Variants in ZNF804B observed in about 807,000 individuals in gnomAD.
ZNF804B encodes zinc finger protein 804B, also known as zinc finger 804B.
ZNF804B carries 80 observed loss-of-function variants against 101.4 expected under a neutral mutation model. The observed-to-expected ratio is 0.79, with a 90% CI of 0.66 to 0.95. The LOEUF is 0.95. Among genes scored for constraint, ZNF804B ranks in the 40% least tolerant of loss-of-function variants. The pLI is 0.00. For missense variants in ZNF804B, 1,673 were observed against 1,561.9 expected (o/e 1.07, Z -1.20); for synonymous variants, 622 against 558.8 (o/e 1.11, Z -1.59).
At chr7:89,180,411 G>A (rs1195678965) in intron 1 of ZNF804B, among the ~76,000 whole-genome samples, 2 of 152,034 alleles carry the variant, frequency 1.3e-5, no homozygotes, top group Non-Finnish European at 2.9e-5. Context: ...ATCAAGCAGA[G>A]TGAGTCTTGC....
In ZNF804B at chr7:89,043,846, G is replaced by A. The variant is rs547636706; in HGVS notation, c.109-174309G>A. On this transcript the variant is annotated intron_variant, in intron 1 of 3. Transcript: ENST00000333190. ...TCAGCCTCCTTCCAAACTGGGCCAG[G>A]GACCTCCTTTAATAAGACCAGCTTC... Among the ~76,000 whole-genome samples, 5 of 152,046 alleles carry A rather than the reference G, an allele frequency of 3.3e-5. No homozygotes were observed. In the South Asian group the frequency reaches 8.3e-4, roughly 25 times the overall value.
chr7:88,961,471 T>C (rs1380228351), intron 1 of ZNF804B, among the ~76,000 whole-genome samples: 1 of 151,388 alleles, frequency 6.6e-6, no homozygotes, highest in Admixed American at 6.6e-5. Flanking sequence ...AAAGGAAACA[T>C]CTTTAGTATT....
intron 2 of ZNF804B, among the ~76,000 whole-genome samples, chr7:89,269,671 G>T (rs1314083642): frequency 6.6e-6 from 1 of 152,126 alleles, no homozygotes; most frequent in East Asian, 1.9e-4. Flanking sequence ...CTAGTTTACA[G>T]TCCCACCAAT....
chr7:88,781,858 G>A (rs73393409), intron 1 of ZNF804B, among the ~76,000 whole-genome samples: 1 of 152,136 alleles, frequency 6.6e-6, no homozygotes, highest in Admixed American at 6.5e-5. Flanking sequence ...AAAAACCCCC[G>A]CGACACTTTA....
At chr7:89,217,765 T>C (rs1349513463) in intron 1 of ZNF804B, among the ~76,000 whole-genome samples, 1 of 152,100 alleles carries the variant, frequency 6.6e-6, no homozygotes, top group Non-Finnish European at 1.5e-5. Flanking sequence ...GCATATGAAA[T>C]GGATAAATCA....
chr7:89,034,766 A>G (rs1044438577), intron 1 of ZNF804B, among the ~76,000 whole-genome samples: 2 of 152,198 alleles, frequency 1.3e-5, no homozygotes, highest in Admixed American at 1.3e-4. Flanking sequence ...GTGTATACCC[A>G]GTAATGGGAT....
At chr7:88,798,722 A>T (rs912455159) in intron 1 of ZNF804B, among the ~76,000 whole-genome samples, 1 of 152,156 alleles carries the variant, frequency 6.6e-6, no homozygotes. Flanking sequence ...TAGAAGCAAC[A>T]TGCAATTCAG....
At chr7:88,960,172 C>A (rs1793369885) in intron 1 of ZNF804B, among the ~76,000 whole-genome samples, 1 of 151,194 alleles carries the variant, frequency 6.6e-6, no homozygotes, top group South Asian at 2.1e-4. Context: ...CAATTATTTT[C>A]AAAATATATT....
intron 2 of ZNF804B, among the ~76,000 whole-genome samples, chr7:89,229,875 A>T (rs1432357192): frequency 3.3e-5 from 5 of 152,218 alleles, no homozygotes; most frequent in Admixed American, 1.3e-4. Flanking sequence ...CTCAAATCAC[A>T]ATGTAATTAA....
intron 1 of ZNF804B, among the ~76,000 whole-genome samples, chr7:89,175,550 A>G (rs1262931005): frequency 1.4e-5 from 2 of 144,530 alleles, no homozygotes; most frequent in African/African-American, 4.9e-5. Context: ...AGCTTTGGCT[A>G]TTCTAGCTCT....
chr7:89,277,971 GT>G (rs1790015802), intron 2 of ZNF804B, among the ~76,000 whole-genome samples: 1 of 152,116 alleles, frequency 6.6e-6, no homozygotes. Flanking sequence ...CACCAACAGT[GT>G]AAAAGTGTTC....
chr7:89,161,626 C>G (rs9785037), intron 1 of ZNF804B, among the ~76,000 whole-genome samples: 1 of 151,346 alleles, frequency 6.6e-6, no homozygotes, highest in Admixed American at 6.6e-5. Context: ...TGGGCTCAAG[C>G]GATCCTCCCA....
At chr7:88,802,805 A>G (rs1024536899) in intron 1 of ZNF804B, among the ~76,000 whole-genome samples, 8 of 152,136 alleles carry the variant, frequency 5.3e-5, no homozygotes, top group African/African-American at 1.9e-4. Flanking sequence ...GTATATACTG[A>G]ATATCAAGTG....
chr7:88,793,376 T>C (rs865969659), intron 1 of ZNF804B, among the ~76,000 whole-genome samples: 1 of 152,126 alleles, frequency 6.6e-6, no homozygotes, highest in African/African-American at 2.4e-5. Context: ...CAGATAATGT[T>C]TTCTGTGTAC....
rs574477566 is a variant in ZNF804B, at chr7:89,144,485, A to T, written c.109-73670A>T. ...ATTGAATGATCTTAGCTATATAGAG[A>T]ATTAGAAAAAGTGGAACTAATAGGA... is the stretch of plus-strand genomic sequence containing the variant. On this transcript the variant is annotated intron_variant, in intron 1 of 3. Coordinates refer to ENST00000333190, the MANE Select transcript of ZNF804B (RefSeq NM_181646.5). 1.1e-4 allele frequency among the ~76,000 whole-genome samples: 16 copies of T among 152,102 alleles called. No homozygotes were observed. In the South Asian group the frequency reaches 1.2e-3, roughly 12 times the overall value.
intron 1 of ZNF804B, among the ~76,000 whole-genome samples, chr7:89,053,629 T>C (rs967850981): frequency 1.3e-5 from 2 of 152,016 alleles, no homozygotes; most frequent in African/African-American, 4.8e-5. Context: ...TTTTCCTGTT[T>C]CAGATGATCA....
intron 1 of ZNF804B, among the ~76,000 whole-genome samples, chr7:88,950,097 C>A (rs1185189659): frequency 1.3e-5 from 2 of 151,886 alleles, no homozygotes; most frequent in African/African-American, 2.4e-5. Flanking sequence ...CCTGGTAAAT[C>A]TCTGATAGAT....
At chr7:88,923,024 T>A (rs1294945655) in intron 1 of ZNF804B, among the ~76,000 whole-genome samples, 2 of 152,118 alleles carry the variant, frequency 1.3e-5, no homozygotes, top group Non-Finnish European at 2.9e-5. Flanking sequence ...CCCTATATAT[T>A]CCATATTTTT....
chr7:89,247,370 G>T (rs2115778032), intron 2 of ZNF804B, among the ~76,000 whole-genome samples: 1 of 152,304 alleles, frequency 6.6e-6, no homozygotes, highest in Non-Finnish European at 1.5e-5. Context: ...CAAGGATCAG[G>T]TGTATACCGA....
Sources: gnomAD v4.1 joint callset for allele counts (sites outside exome capture counted in the v4.1 genomes callset) on GRCh38, gnomAD v4.1.1 for gene constraint, MANE v1.5 for transcripts, NCBI Gene and HGNC (gene_info 2026-07-23, HGNC 2026-07-21) for gene names.